The following CEP112 variants were observed in gnomAD, a reference collection of about 807,000 sequenced individuals.
CEP112 encodes centrosomal protein of 112 kDa.
In CEP112, 127 loss-of-function variants were observed where a neutral mutation model predicts 153.0. That is an observed-to-expected ratio of 0.83 (90% CI 0.72 to 0.96). CEP112 has a LOEUF of 0.96. Among genes scored for constraint, CEP112 ranks in the 40% least tolerant of loss-of-function variants. The pLI, the probability that CEP112 is intolerant of heterozygous loss-of-function variation, is 0.00. For synonymous variants in CEP112, 358 were observed against 374.4 expected, an observed-to-expected ratio of 0.96 and a Z score of 0.51; for missense variants, 1,089 against 1,101.2, an observed-to-expected ratio of 0.99 and a Z score of 0.16.
intron 24 of CEP112, among the ~76,000 whole-genome samples, chr17:65,678,430 T>G (rs1333743739): frequency 6.6e-6 from 1 of 152,208 alleles, no homozygotes; most frequent in Non-Finnish European, 1.5e-5. Context: ...CTCCATAATT[T>G]ACTTGTTTGG....
At chr17:65,704,420 TACACACACAC>T (rs3074178) in intron 23 of CEP112, among the ~76,000 whole-genome samples, 280 of 147,794 alleles carry the variant, frequency 1.9e-3, no homozygotes, top group Non-Finnish European at 3.3e-3. Flanking sequence ...ACGTGTAAAA[TACACACACAC>T]ACACACACAC....
At chr17:65,739,764 T>A (rs1238982563) in intron 23 of CEP112, among the ~76,000 whole-genome samples, 1 of 152,128 alleles carries the variant, frequency 6.6e-6, no homozygotes, top group Non-Finnish European at 1.5e-5. Context: ...CTTACGAATT[T>A]TGTTCGTTTG....
chr17:65,915,787 C>CA (rs755351021), intron 19 of CEP112, among the ~76,000 whole-genome samples: 17,534 of 56,336 alleles, frequency 0.31, 1,683 homozygotes, highest in Admixed American at 0.36. Context: ...GACTCAAACT[C>CA]AAAAAAAAAA....
intron 11 of CEP112, among the ~76,000 whole-genome samples, chr17:66,056,337 T>G (rs777743549): frequency 6.6e-6 from 1 of 152,162 alleles, no homozygotes; most frequent in Non-Finnish European, 1.5e-5. Flanking sequence ...CTTTGGCAGT[T>G]CCTCAAAAAA....
intron 21 of CEP112, among the ~76,000 whole-genome samples, chr17:65,756,266 C>T (rs768561950): frequency 6.6e-6 from 1 of 151,668 alleles, no homozygotes; most frequent in Non-Finnish European, 1.5e-5. Flanking sequence ...ATTAGCTGGG[C>T]GTGGTGGCGG....
intron 21 of CEP112, among the ~76,000 whole-genome samples, chr17:65,812,351 C>T (rs1252273634): frequency 6.6e-6 from 1 of 152,110 alleles, no homozygotes; most frequent in Non-Finnish European, 1.5e-5. Context: ...CTTGATTTTT[C>T]ATTTTCTCTG....
intron 21 of CEP112, among the ~76,000 whole-genome samples, chr17:65,830,455 A>T (rs1427696449): frequency 6.6e-6 from 1 of 152,210 alleles, no homozygotes; most frequent in African/African-American, 2.4e-5. Context: ...CAGGAAGACC[A>T]TTCTGGTCTT....
chr17:66,019,914 T>C (rs1446405695), intron 16 of CEP112, among the ~76,000 whole-genome samples: 1 of 152,222 alleles, frequency 6.6e-6, no homozygotes, highest in Non-Finnish European at 1.5e-5. Context: ...ACTTCGAGGC[T>C]AAATACCCAA....
At chr17:65,740,145 T>C (rs1434594804) in intron 23 of CEP112, among the ~76,000 whole-genome samples, 1 of 152,190 alleles carries the variant, frequency 6.6e-6, no homozygotes, top group Non-Finnish European at 1.5e-5. Flanking sequence ...CTGAAAAATA[T>C]CATGTGAACA....
At chr17:65,934,789 A>ATGAGACTGCATACATG (rs2061248460) in intron 18 of CEP112, among the ~76,000 whole-genome samples, 1 of 152,232 alleles carries the variant, frequency 6.6e-6, no homozygotes, top group East Asian at 1.9e-4. Context: ...CACTGCTATC[A>ATGAGACTGCATACATG]AGACATACAT....
At chr17:65,912,072 A>C (rs2060307833) in intron 19 of CEP112, among the ~76,000 whole-genome samples, 1 of 152,194 alleles carries the variant, frequency 6.6e-6, no homozygotes, top group African/African-American at 2.4e-5. Context: ...CAGATCGGGA[A>C]ACTTGGTAGA....
rs1466508861 is a variant in CEP112, at chr17:65,989,243, AAAAAAAAAG to A, written c.1736+16438_1736+16446del. 1.7e-4 allele frequency among the ~76,000 whole-genome samples: 22 copies of A among 127,236 alleles called. 1 individual carries two copies. Among genetic ancestry groups the A allele is most frequent in the Non-Finnish European group, 1.9e-4 (11 of 59,212 alleles). The allele number at this position is 127,236 out of a possible 152,430, so 83.5% of individuals were successfully genotyped here. ...GAGTGAGACTCCATCTCAAAAAAAA[AAAAAAAAAG>A]AAAGAAAGAAAAAAGAAAACACCAA... is the stretch of plus-strand genomic sequence containing the variant. On this transcript the variant is annotated intron_variant, in intron 17 of 26. Coordinates refer to ENST00000535342, the MANE Select transcript of CEP112 (RefSeq NM_001199165.4).
intron 3 of CEP112, 41 bp downstream of exon 3, chr17:66,176,789 T>A (rs753853341): frequency 1.8e-5 from 27 of 1,461,220 alleles, no homozygotes; most frequent in African/African-American, 2.8e-5. Flanking sequence ...CGCTTTTTTT[T>A]AAATGAAACT....
At chr17:65,844,423 T>C (rs9907203) in intron 21 of CEP112, among the ~76,000 whole-genome samples, 146,858 of 152,318 alleles carry the variant, frequency 0.96, 70,848 homozygotes, top group East Asian at 1. Flanking sequence ...CAGTGGCTCA[T>C]GCCTATAATC....
chr17:65,971,504 A>T (rs533129985), intron 17 of CEP112, among the ~76,000 whole-genome samples: 2 of 150,962 alleles, frequency 1.3e-5, no homozygotes, highest in Admixed American at 6.6e-5. Context: ...CATACATATC[A>T]CACATGCACA....
chr17:65,923,265 T>C (rs1191479290), intron 19 of CEP112, among the ~76,000 whole-genome samples: 1 of 152,266 alleles, frequency 6.6e-6, no homozygotes, highest in Non-Finnish European at 1.5e-5. Flanking sequence ...AGCTCTATCG[T>C]CTACCTTTTC....
At chr17:66,145,079 T>C (rs1380785436) in intron 4 of CEP112, among the ~76,000 whole-genome samples, 2 of 152,218 alleles carry the variant, frequency 1.3e-5, no homozygotes, top group East Asian at 3.9e-4. Context: ...TTTTAGTCTT[T>C]ATAATCCTAA....
intron 4 of CEP112, among the ~76,000 whole-genome samples, chr17:66,150,128 T>G (rs1207866493): frequency 1.4e-5 from 2 of 147,726 alleles, no homozygotes; most frequent in Non-Finnish European, 3.0e-5. Flanking sequence ...TCTCGATCTC[T>G]CGACCTCATG....
intron 18 of CEP112, among the ~76,000 whole-genome samples, chr17:65,958,684 C>T (rs545025251): frequency 1.5e-5 from 2 of 135,824 alleles, no homozygotes; most frequent in African/African-American, 5.3e-5. Context: ...CTGCAGGCAA[C>T]CCTTGACACC....
Sources: allele counts gnomAD v4.1 joint callset (sites outside exome capture counted in the v4.1 genomes callset), GRCh38; gene constraint gnomAD v4.1.1; transcripts MANE v1.5; gene names NCBI Gene and HGNC (gene_info 2026-07-23, HGNC 2026-07-21).